The following SGMS2 variants were observed in gnomAD, a reference collection of about 807,000 sequenced individuals.
The protein encoded by SGMS2 is sphingomyelin synthase 2, also known as phosphatidylcholine:ceramide cholinephosphotransferase 2.
SGMS2 carries 21 observed loss-of-function variants against 43.8 expected under a neutral mutation model. That is an observed-to-expected ratio of 0.48 (90% confidence interval 0.34 to 0.69). The LOEUF (loss-of-function observed/expected upper bound fraction) is 0.69. SGMS2 is among the 30% of genes least tolerant of loss of function. SGMS2 has a pLI of 0.01. For missense variants in SGMS2, 384 were observed against 443.2 expected (o/e 0.87, Z 1.20); for synonymous variants, 167 against 160.6 (o/e 1.04, Z -0.30).
Position 107,899,619 on chromosome 4 carries a change from A to G in SGMS2, c.500A>G (p.Tyr167Cys). Residue 167 changes from tyrosine to cysteine, a missense_variant, in exon 4 of 7, where the codon TAC becomes TGC. By Grantham distance (194) the Tyr-to-Cys change is radical (BLOSUM62 -2). Transcript: ENST00000690982. ...TTCTGTTTTATTATTGGAACTTTAT[A>G]CCTGTATCGCTGCATTACAATGTAT... ...RRFCFIIGTL[Y>C]LYRCITMYVT... 1.2e-6 allele frequency: 2 copies of G among 1,612,974 alleles called. No individual in the cohort carries two copies. The highest frequency in any genetic ancestry group is 1.7e-6 in the Non-Finnish European group (2 of 1,179,516).
intron 2 of SGMS2, among the ~76,000 whole-genome samples, chr4:107,874,892 C>T (rs1728794440): frequency 6.6e-6 from 1 of 152,084 alleles, no homozygotes; most frequent in Non-Finnish European, 1.5e-5. Context: ...CGTCCCTCTT[C>T]CTAGAGCCAA....
intron 2 of SGMS2, among the ~76,000 whole-genome samples, chr4:107,864,848 A>C (rs927311871): frequency 6.6e-6 from 1 of 152,166 alleles, no homozygotes; most frequent in African/African-American, 2.4e-5. Context: ...ATGCAGTCTT[A>C]TGCCTTGAAT....
chr4:107,846,653 G>T (rs1042449378), intron 1 of SGMS2, among the ~76,000 whole-genome samples: 24 of 151,242 alleles, frequency 1.6e-4, no homozygotes, highest in African/African-American at 5.8e-4. Flanking sequence ...GGGTCCAATG[G>T]TATTTCTAGT....
intron 5 of SGMS2, among the ~76,000 whole-genome samples, chr4:107,904,696 T>C (rs1190432647): frequency 2.0e-5 from 3 of 152,168 alleles, no homozygotes; most frequent in African/African-American, 7.2e-5. Flanking sequence ...CTTGTGGTGG[T>C]GGAGTGGGTC....
chr4:107,828,393 T>C (rs1262498655), intron 1 of SGMS2, among the ~76,000 whole-genome samples: 1 of 152,218 alleles, frequency 6.6e-6, no homozygotes, highest in Non-Finnish European at 1.5e-5. Context: ...ATTAAGTAAC[T>C]TTCCTGAAGT....
intron 2 of SGMS2, among the ~76,000 whole-genome samples, chr4:107,865,618 A>G (rs1211605664): frequency 2.6e-5 from 4 of 152,224 alleles, no homozygotes; most frequent in Admixed American, 6.5e-5. Flanking sequence ...AGCTCACCCA[A>G]TAACTTTTCT....
In SGMS2 at chr4:107,895,666, G is replaced by T; in HGVS notation, c.113G>T (p.Gly38Val). 1 of 1,613,938 alleles carries T rather than the reference G, an allele frequency of 6.2e-7. No homozygotes were observed. The highest frequency in any genetic ancestry group is 8.5e-7 in the Non-Finnish European group (1 of 1,179,952). Residue 38 changes from glycine to valine, a missense_variant, in exon 3 of 7, where the codon GGC becomes GTC. Transcript: ENST00000690982. Reference sequence around the variant, plus strand: ...CCTGTTGAAGAAGAAAACAAAAATGGCAATGGTAAACCCAAGAGCTTATCC... The same window carrying T: ...CCTGTTGAAGAAGAAAACAAAAATGTCAATGGTAAACCCAAGAGCTTATCC... ...AEPVEEENKN[G>V]NGKPKSLSSG...
Position 107,899,700 on chromosome 4 carries a change from C to A in SGMS2, c.573+8C>A, listed in dbSNP as rs1450305137. 1.3e-5 allele frequency: 20 copies of A among 1,583,300 alleles called. No homozygotes were observed. The highest frequency in any genetic ancestry group is 1.6e-5 in the Non-Finnish European group (18 of 1,156,148). On this transcript the variant is annotated splice_region_variant and intron_variant, in intron 4 of 6. Transcript: ENST00000690982. ...TTCCAGTGTGCTCCAAAGGTCAGTA[C>A]CTCCAAACTGCCACTTAGAAGAAAT...
At chr4:107,865,178 A>G (rs1054088320) in intron 2 of SGMS2, among the ~76,000 whole-genome samples, 1 of 152,218 alleles carries the variant, frequency 6.6e-6, no homozygotes, top group African/African-American at 2.4e-5. Flanking sequence ...TTAATGAACA[A>G]AGTTCTAAGA....
chr4:107,841,511 G>C (rs1726501443), intron 1 of SGMS2, among the ~76,000 whole-genome samples: 1 of 152,012 alleles, frequency 6.6e-6, no homozygotes, highest in Non-Finnish European at 1.5e-5. Context: ...TTTTGAGGCA[G>C]TCAGAAATTG....
At chr4:107,899,420 A>G (rs1730937135) in intron 3 of SGMS2, among the ~76,000 whole-genome samples, 155 bp from the exon 4 acceptor site, 1 of 152,204 alleles carries the variant, frequency 6.6e-6, no homozygotes, top group African/African-American at 2.4e-5. Flanking sequence ...TGGGCAACTC[A>G]AAAGTAAGCC....
At chr4:107,889,466 G>A (rs886686359) in intron 2 of SGMS2, among the ~76,000 whole-genome samples, 8 of 152,042 alleles carry the variant, frequency 5.3e-5, no homozygotes, top group East Asian at 1.9e-4. Flanking sequence ...CTTAAGTTCC[G>A]TAAACTTGAA....
intron 2 of SGMS2, among the ~76,000 whole-genome samples, chr4:107,870,927 A>G (rs1438786764): frequency 1.3e-5 from 2 of 152,240 alleles, no homozygotes; most frequent in Admixed American, 1.3e-4. Flanking sequence ...TTTAATGGAA[A>G]TAAGATTAAC....
intron 5 of SGMS2, chr4:107,907,228 TA>T (rs1305440683): frequency 6.6e-6 from 1 of 152,218 alleles, no homozygotes; most frequent in African/African-American, 2.4e-5. Context: ...TTTATTTTCT[TA>T]CTGTGTGCCA....
intron 1 of SGMS2, among the ~76,000 whole-genome samples, chr4:107,851,511 C>T (rs986986399): frequency 6.6e-6 from 1 of 152,190 alleles, no homozygotes; most frequent in Non-Finnish European, 1.5e-5. Flanking sequence ...TTAACATACA[C>T]TTAGCTCTGA....
At position 107,913,851 on chromosome 4, in the gene SGMS2, A is replaced by G. The variant is rs1732277502; in HGVS notation, c.*3298A>G. On this transcript the variant is annotated 3_prime_UTR_variant, in exon 7 of 7. Coordinates refer to ENST00000690982, the MANE Select transcript of SGMS2 (RefSeq NM_001375905.1). ...ACAGAACTCATGCAGTTTCTTTTTT[A>G]GTTGAAAGTTCACATCTTGCCCCTT... 2 of 152,026 alleles carry G rather than the reference A, an allele frequency of 1.3e-5. No individual in the cohort carries two copies. The highest frequency in any genetic ancestry group is 4.8e-5 in the African/African-American group (2 of 41,402). 9.4% of individuals were successfully genotyped at this position (152,026 alleles called of 1,614,324 possible). A position where few individuals can be genotyped will look rare whatever the true frequency, so the allele number is the denominator to read the frequency against.
intron 2 of SGMS2, among the ~76,000 whole-genome samples, chr4:107,865,799 C>T (rs1025597027): frequency 1.2e-4 from 18 of 152,102 alleles, no homozygotes; most frequent in African/African-American, 4.1e-4. Context: ...TGGTGGAAAT[C>T]CCCCCACCCC....
chr4:107,894,505 A>G (rs535008765), intron 2 of SGMS2: 1 of 152,290 alleles, frequency 6.6e-6, no homozygotes, highest in South Asian at 2.1e-4. Flanking sequence ...GGTCCTCTGG[A>G]GGCCCGTTTC....
chr4:107,845,310 C>G (rs757826655), intron 1 of SGMS2, among the ~76,000 whole-genome samples: 2 of 152,138 alleles, frequency 1.3e-5, no homozygotes, highest in African/African-American at 2.4e-5. Context: ...GAGTGATCAT[C>G]ATATGTTGCA....
Sources: gnomAD v4.1 joint callset for allele counts (sites outside exome capture counted in the v4.1 genomes callset) on GRCh38, gnomAD v4.1.1 for gene constraint, MANE v1.5 for transcripts, NCBI Gene and HGNC (gene_info 2026-07-23, HGNC 2026-07-21) for gene names.